The following CDC14B variants were observed in gnomAD, a reference collection of about 807,000 sequenced individuals.
CDC14B encodes cell division cycle 14B.
A neutral mutation model predicts 64.2 loss-of-function variants in CDC14B; 22 were observed. That is an observed-to-expected ratio of 0.34 (90% CI 0.24 to 0.49). CDC14B has a LOEUF of 0.49. Ranked by LOEUF, CDC14B falls within the 20% of genes least tolerant of loss-of-function variation. The probability of loss-of-function intolerance (pLI) is 0.99; values close to 1 mark genes in which losing one functional copy is unlikely to be tolerated. For missense variants in CDC14B, 498 were observed against 629.9 expected (o/e 0.79, Z 2.24); for synonymous variants, 191 against 215.8 (o/e 0.89, Z 1.01).
At chr9:96,574,218 A>G (rs1490908590) in intron 1 of CDC14B, among the ~76,000 whole-genome samples, 3 of 152,098 alleles carry the variant, frequency 2.0e-5, no homozygotes, top group Non-Finnish European at 4.4e-5. Context: ...TTTAGGCAGT[A>G]TTGGCACAGT....
chr9:96,513,614 A>G lies in CDC14B; in HGVS notation c.1344-3825T>C, dbSNP rs547106699. 2.0e-5 allele frequency among the ~76,000 whole-genome samples: 3 copies of G among 152,354 alleles called. No homozygotes were observed. In the South Asian group the frequency reaches 6.2e-4, roughly 32 times the overall value. On this transcript the variant is annotated intron_variant, in intron 12 of 13. Transcript: ENST00000375241. ...ATATAGTGAAATCTGCAACCCAAGG[A>G]ACACGGCAAAGCCAAAAACTAAAAA...
chr9:96,618,691 C>CCA, intron 1 of CDC14B: 1 of 462,994 alleles, frequency 2.2e-6, no homozygotes, highest in Non-Finnish European at 4.2e-6. Flanking sequence ...GCTTACGCGC[C>CCA]GGACGGGCAA....
At position 96,564,308 on chromosome 9, in the gene CDC14B, G is replaced by A. The variant is rs191782527; in HGVS notation, c.327+469C>T. On this transcript the variant is annotated intron_variant, in intron 3 of 13. Transcript: ENST00000375241. ...CCCTAGATTCTCACGCCCCTTAATC[G>A]TATGTATAAAGGATCATGTAGTACA... 4.6e-5 allele frequency among the ~76,000 whole-genome samples: 7 copies of A among 152,192 alleles called. No individual in the cohort carries two copies. The East Asian group carries it at 1.2e-3, about 25-fold the overall frequency.
intron 1 of CDC14B, among the ~76,000 whole-genome samples, chr9:96,617,086 T>C (rs1177237350): frequency 6.8e-6 from 1 of 146,954 alleles, no homozygotes. Context: ...CCTTCCGTTA[T>C]TAGGGCTTGC....
At chr9:96,571,631 C>A (rs1214667551) in intron 1 of CDC14B, among the ~76,000 whole-genome samples, 1 of 152,136 alleles carries the variant, frequency 6.6e-6, no homozygotes, top group African/African-American at 2.4e-5. Flanking sequence ...ATATCACAAT[C>A]TGTGATATTA....
rs1833695581 is a variant in CDC14B at position 96,503,038 on chromosome 9, C to T, written c.*715G>A. ...CAGAAAAAGGAACGACTTGCAACAT[C>T]TTCCAACTCTGAAGTCAGTTTCTCC... On this transcript the variant is annotated 3_prime_UTR_variant, in exon 14 of 14. Coordinates refer to ENST00000375241, the MANE Select transcript of CDC14B (RefSeq NM_033331.4). 2 of 395,066 alleles carry T rather than the reference C, an allele frequency of 5.1e-6. No homozygotes were observed. The highest frequency in any genetic ancestry group is 4.4e-5 in the Admixed American group (1 of 22,602). The allele number at this position is 395,066 out of a possible 1,614,324, so 24.5% of individuals were successfully genotyped here. A position where few individuals can be genotyped will look rare whatever the true frequency, so the allele number is the denominator to read the frequency against.
At chr9:96,602,580 T>C (rs1448120363) in intron 1 of CDC14B, among the ~76,000 whole-genome samples, 1 of 151,484 alleles carries the variant, frequency 6.6e-6, no homozygotes, top group Admixed American at 6.6e-5. Context: ...CTCCCCTTTA[T>C]AAAACCATCA....
chr9:96,526,913 G>A (rs1837651749), intron 9 of CDC14B, among the ~76,000 whole-genome samples: 1 of 152,184 alleles, frequency 6.6e-6, no homozygotes, highest in South Asian at 2.1e-4. Flanking sequence ...AAAGGACCTT[G>A]CTGAAGAATT....
At chr9:96,560,609 G>A (rs1164376719) in intron 4 of CDC14B, among the ~76,000 whole-genome samples, 1 of 135,720 alleles carries the variant, frequency 7.4e-6, no homozygotes, top group African/African-American at 3.4e-5. Flanking sequence ...TTTGAGACGG[G>A]GTCTCATTCT....
chr9:96,582,884 T>A (rs892349228), intron 1 of CDC14B, among the ~76,000 whole-genome samples: 1 of 152,178 alleles, frequency 6.6e-6, no homozygotes, highest in South Asian at 2.1e-4. Context: ...TAATTTTATA[T>A]AATGGGCCTG....
rs200279285 is a variant in CDC14B, at chr9:96,604,341, A to ATTT, written c.160+14875_160+14877dup. Among the ~76,000 whole-genome samples, 1,003 of 128,436 alleles carry ATTT rather than the reference A, an allele frequency of 7.8e-3. 9 individuals carry two copies. Among genetic ancestry groups the ATTT allele is most frequent in the Non-Finnish European group, 9.0e-3 (573 of 63,976 alleles). 84.3% of individuals were successfully genotyped at this position (128,436 alleles called of 152,430 possible). A position where few individuals can be genotyped will look rare whatever the true frequency, so the allele number is the denominator to read the frequency against. On this transcript the variant is annotated intron_variant, in intron 1 of 13. Transcript: ENST00000375241. ...CTTGAAAAGGCCTCGTGAAGCTTGC[A>ATTT]TTTATTATTATTATTATTATTATTA...
At chr9:96,597,337 T>C (rs1846149528) in intron 1 of CDC14B, among the ~76,000 whole-genome samples, 1 of 151,826 alleles carries the variant, frequency 6.6e-6, no homozygotes, top group African/African-American at 2.4e-5. Flanking sequence ...CTACTAAAAA[T>C]ACAAAAATTA....
At chr9:96,587,412 A>G (rs1351338148) in intron 1 of CDC14B, among the ~76,000 whole-genome samples, 1 of 152,196 alleles carries the variant, frequency 6.6e-6, no homozygotes, top group Non-Finnish European at 1.5e-5. Context: ...CCTGACAGAC[A>G]AAAGGCCTCC....
chr9:96,598,916 G>A (rs1186038024), intron 1 of CDC14B, among the ~76,000 whole-genome samples: 1 of 152,074 alleles, frequency 6.6e-6, no homozygotes, highest in Admixed American at 6.5e-5. Flanking sequence ...TTCTATGTAG[G>A]TACAAAAAGA....
chr9:96,587,425 G>C (rs540435745), intron 1 of CDC14B, among the ~76,000 whole-genome samples: 1 of 152,118 alleles, frequency 6.6e-6, no homozygotes, highest in Non-Finnish European at 1.5e-5. Context: ...AGGCCTCCAC[G>C]GAAGCAAGGA....
At chr9:96,586,610 T>G (rs1178234403) in intron 1 of CDC14B, among the ~76,000 whole-genome samples, 4 of 152,006 alleles carry the variant, frequency 2.6e-5, no homozygotes, top group Non-Finnish European at 5.9e-5. Context: ...AATTTTTAAA[T>G]TTTTTTGTGG....
downstream of CDC14B, among the ~76,000 whole-genome samples, chr9:96,496,959 G>A (rs1200196515): frequency 6.6e-6 from 1 of 152,254 alleles, no homozygotes; most frequent in African/African-American, 2.4e-5. Flanking sequence ...CGAGTAGGCG[G>A]GTGCCAGGAC....
intron 1 of CDC14B, among the ~76,000 whole-genome samples, chr9:96,589,573 C>T (rs931653140): frequency 1.3e-5 from 2 of 151,980 alleles, no homozygotes; most frequent in African/African-American, 4.8e-5. Context: ...TCTTCAGGAG[C>T]CTAATGTAAT....
intron 1 of CDC14B, among the ~76,000 whole-genome samples, chr9:96,588,640 C>T (rs868540882): frequency 9.2e-5 from 14 of 152,070 alleles, no homozygotes; most frequent in Non-Finnish European, 1.8e-4. Flanking sequence ...GGACACAACA[C>T]CATACCTGGC....
Sources: gnomAD v4.1 joint callset for allele counts (sites outside exome capture counted in the v4.1 genomes callset) on GRCh38, gnomAD v4.1.1 for gene constraint, MANE v1.5 for transcripts, NCBI Gene and HGNC (gene_info 2026-07-23, HGNC 2026-07-21) for gene names.